BEND7: variants seen among roughly 807,000 people sequenced by gnomAD.
BEND7 encodes the protein BEN domain-containing protein 7.
BEND7 carries 28 observed loss-of-function variants against 50.9 expected under a neutral mutation model. The ratio of observed to expected loss-of-function variants is 0.55; its 90% CI spans 0.41 to 0.75. BEND7 has a LOEUF of 0.75. Ranked by LOEUF, BEND7 falls within the 30% of genes least tolerant of loss-of-function variation. The pLI is 0.00. For missense variants in BEND7, 477 were observed against 491.3 expected, an observed-to-expected ratio of 0.97 and a Z score of 0.28; for synonymous variants, 170 against 183.9, an observed-to-expected ratio of 0.92 and a Z score of 0.61.
chr10:13,450,742 C>A (rs1414878932), intron 7 of BEND7, among the ~76,000 whole-genome samples: 1 of 151,572 alleles, frequency 6.6e-6, no homozygotes, highest in Non-Finnish European at 1.5e-5. Flanking sequence ...GTCTAAGGGG[C>A]AGGAGCGGGC....
chr10:13,505,808 AACAGTC>A (rs540159221), intron 2 of BEND7, among the ~76,000 whole-genome samples: 3 of 152,298 alleles, frequency 2.0e-5, no homozygotes, highest in African/African-American at 7.2e-5. Context: ...AATTCCTGGT[AACAGTC>A]ACCCTGTCTG....
At chr10:13,513,405 C>A (rs2132504647) in intron 2 of BEND7, among the ~76,000 whole-genome samples, 1 of 152,308 alleles carries the variant, frequency 6.6e-6, no homozygotes, top group East Asian at 1.9e-4. Context: ...TACCAGATAG[C>A]CTCACTTGGA....
intron 5 of BEND7, among the ~76,000 whole-genome samples, chr10:13,487,080 A>G (rs1380063372): frequency 6.6e-6 from 1 of 152,200 alleles, no homozygotes; most frequent in Non-Finnish European, 1.5e-5. Flanking sequence ...GGCAGGGACT[A>G]TTTCACACAC....
intron 1 of BEND7, among the ~76,000 whole-genome samples, 154 bp from the exon 2 acceptor site, chr10:13,526,375 A>G (rs2079462086): frequency 6.6e-6 from 1 of 152,248 alleles, no homozygotes; most frequent in South Asian, 2.1e-4. Flanking sequence ...TTTGTAGTCA[A>G]TAATAATTCC....
At chr10:13,450,298 G>A (rs1042232475) in intron 7 of BEND7, among the ~76,000 whole-genome samples, 10 of 152,142 alleles carry the variant, frequency 6.6e-5, no homozygotes, top group African/African-American at 2.2e-4. Flanking sequence ...CAAATAAGGT[G>A]GAAATTGTGC....
chr10:13,466,431 C>T (rs2074258026), intron 6 of BEND7, among the ~76,000 whole-genome samples: 1 of 151,898 alleles, frequency 6.6e-6, no homozygotes, highest in Admixed American at 6.6e-5. Context: ...TGGTGGCGCA[C>T]ACCTGTAATC....
intron 6 of BEND7, among the ~76,000 whole-genome samples, chr10:13,473,036 G>A (rs140359099): frequency 1.0e-3 from 156 of 151,964 alleles, no homozygotes; most frequent in African/African-American, 3.8e-3. Flanking sequence ...TGTCATCACT[G>A]TTAGACTCAG....
At chr10:13,440,672 G>C (rs187068069), downstream of BEND7, among the ~76,000 whole-genome samples, 450 of 152,372 alleles carry the variant, frequency 3.0e-3, 3 homozygotes, top group African/African-American at 0.01. Context: ...TGTTCAAAGA[G>C]GGGAAGCGAG....
intron 2 of BEND7, among the ~76,000 whole-genome samples, chr10:13,518,108 T>C (rs559792284): frequency 6.6e-6 from 1 of 152,338 alleles, no homozygotes; most frequent in African/African-American, 2.4e-5. Context: ...CTATCCTTCA[T>C]GAATTTATTA....
At chr10:13,525,164 T>A (rs2079367452) in intron 2 of BEND7, among the ~76,000 whole-genome samples, 1 of 152,192 alleles carries the variant, frequency 6.6e-6, no homozygotes, top group African/African-American at 2.4e-5. Context: ...TACCTGGGAT[T>A]GCAGAGGTCC....
rs7073791 is a variant in BEND7, at chr10:13,506,827, T to C, written c.146-6747A>G. Among the ~76,000 whole-genome samples, 6 of 151,816 alleles carry C rather than the reference T, an allele frequency of 4.0e-5. No individual in the cohort carries two copies. In the East Asian group the frequency reaches 9.7e-4, roughly 25 times the overall value. On this transcript the variant is annotated intron_variant, in intron 2 of 8. Coordinates refer to ENST00000466271, the MANE Select transcript of BEND7 (RefSeq NM_001369863.1). ...TGGGCTTGGGATTAGCTGGATTTGC[T>C]GGGGGTGGAGGCGGGAAGAATCCAT...
chr10:13,459,711 T>G (rs1839820214), intron 6 of BEND7: 1 of 152,262 alleles, frequency 6.6e-6, no homozygotes, highest in Non-Finnish European at 1.5e-5. Flanking sequence ...AATACTTGGT[T>G]GATACATCAA....
At chr10:13,485,907 G>A (rs1437994185) in intron 5 of BEND7, among the ~76,000 whole-genome samples, 1 of 152,042 alleles carries the variant, frequency 6.6e-6, no homozygotes, top group Non-Finnish European at 1.5e-5. Flanking sequence ...TTAGAGACAG[G>A]ATCTCAACCT....
chr10:13,451,754 T>TCCCCCCCCC (rs141575572), intron 7 of BEND7, among the ~76,000 whole-genome samples: 4 of 113,050 alleles, frequency 3.5e-5, no homozygotes, highest in African/African-American at 7.0e-5. Context: ...ATGCTATCCC[T>TCCCCCCCCC]CCCCCTCCCC....
At chr10:13,489,945 A>G (rs1186438788) in intron 5 of BEND7, among the ~76,000 whole-genome samples, 4 of 152,248 alleles carry the variant, frequency 2.6e-5, no homozygotes, top group Non-Finnish European at 5.9e-5. Context: ...TGTGCCAGGC[A>G]CTGCTACAGG....
upstream of BEND7, among the ~76,000 whole-genome samples, chr10:13,529,225 C>T (rs1589099634): frequency 6.8e-6 from 1 of 147,482 alleles, no homozygotes; most frequent in Non-Finnish European, 1.5e-5. Flanking sequence ...GGCCTGCCTG[C>T]CCCCGGGGAC....
intron 6 of BEND7, among the ~76,000 whole-genome samples, chr10:13,465,081 G>C (rs1443392857): frequency 6.6e-6 from 1 of 152,176 alleles, no homozygotes; most frequent in African/African-American, 2.4e-5. Flanking sequence ...CAGAGATCAC[G>C]TCTTCCATTC....
chr10:13,511,395 C>T (rs1012682402), intron 2 of BEND7: 15 of 152,014 alleles, frequency 9.9e-5, no homozygotes, highest in Non-Finnish European at 2.2e-4. Context: ...ATGACTGTTT[C>T]GAAGGAAAAA....
chr10:13,494,294 G>T (rs2076880976), intron 4 of BEND7, among the ~76,000 whole-genome samples: 1 of 152,196 alleles, frequency 6.6e-6, no homozygotes, highest in Non-Finnish European at 1.5e-5. Flanking sequence ...GTGGGCACCT[G>T]TAGTCCCAGC....
Sources: allele counts gnomAD v4.1 joint callset (sites outside exome capture counted in the v4.1 genomes callset), GRCh38; gene constraint gnomAD v4.1.1; transcripts MANE v1.5; gene names NCBI Gene and HGNC (gene_info 2026-07-23, HGNC 2026-07-21).